Variants in KCNQ1 observed in about 807,000 individuals in gnomAD.
KCNQ1 encodes the protein potassium voltage-gated channel subfamily KQT member 1.
Under a neutral mutation model 72.4 loss-of-function variants are expected in KCNQ1, and 49 were observed. That is an observed-to-expected ratio of 0.68 (90% CI 0.54 to 0.86). The LOEUF is 0.86. Ranked by LOEUF, KCNQ1 falls within the 40% of genes least tolerant of loss-of-function variation. The probability of loss-of-function intolerance (pLI) is 0.00; values close to 1 mark genes in which losing one functional copy is unlikely to be tolerated. For missense variants in KCNQ1, 790 were observed against 945.1 expected (o/e 0.84, Z 2.15); for synonymous variants, 450 against 412.6 (o/e 1.09, Z -1.10).
intron 10 of KCNQ1, chr11:2,609,186 G>A (rs1189054293): frequency 4.5e-5 from 18 of 398,064 alleles, no homozygotes; most frequent in South Asian, 1.3e-4. Context: ...TCTTTACACT[G>A]CTTTAAATGT....
At chr11:2,580,199 A>G (rs1848478524) in intron 6 of KCNQ1, among the ~76,000 whole-genome samples, 1 of 151,296 alleles carries the variant, frequency 6.6e-6, no homozygotes, top group Non-Finnish European at 1.5e-5. Context: ...CTTGCCGCCC[A>G]GCCCCCCTCA....
intron 11 of KCNQ1, among the ~76,000 whole-genome samples, chr11:2,756,969 A>C (rs1236036510): frequency 1.4e-5 from 2 of 148,004 alleles, no homozygotes; most frequent in East Asian, 1.9e-4. Flanking sequence ...AAAAAAAAAA[A>C]AAAAAAAAAA....
In KCNQ1 at chr11:2,458,683, G is replaced by GGATC. The variant is rs1359088057; in HGVS notation, c.386+13208_386+13211dup. On this transcript the variant is annotated intron_variant, in intron 1 of 15. Transcript: ENST00000155840. The surrounding 1 kb of genome is among the most constrained non-coding windows in gnomAD (Gnocchi z 4.6). The stretch of plus-strand genomic sequence containing the variant: ...TGGATGGATGGATGGATGGATGGAT[G>GGATC]GATCGATCGATCTCACCAAGCCTCG... Among the ~76,000 whole-genome samples, 1,298 of 127,264 alleles carry GGATC rather than the reference G, an allele frequency of 0.01. 11 individuals carry two copies. Among genetic ancestry groups the GGATC allele is most frequent in the African/African-American group, 0.033 (1,020 of 31,152 alleles). 83.5% of individuals were successfully genotyped at this position (127,264 alleles called of 152,430 possible). A position where few individuals can be genotyped will look rare whatever the true frequency, so the allele number is the denominator to read the frequency against.
At chr11:2,699,736 G>A (rs1443284847) in intron 11 of KCNQ1, 4 of 392,468 alleles carry the variant, frequency 1.0e-5, no homozygotes, top group East Asian at 3.6e-5. Context: ...GGAGAACTGC[G>A]CCGAGGAGCC....
intron 11 of KCNQ1, among the ~76,000 whole-genome samples, chr11:2,709,346 C>T (rs1850966505): frequency 6.6e-6 from 1 of 150,666 alleles, no homozygotes; most frequent in African/African-American, 2.4e-5. Context: ...GGCTCAGACG[C>T]CAGGACCTGC....
chr11:2,618,123 C>T (rs1031595402), intron 10 of KCNQ1: 7 of 398,192 alleles, frequency 1.8e-5, no homozygotes, highest in Non-Finnish European at 2.7e-5. Context: ...CGAGCTTTTC[C>T]CCTATGTTTT....
chr11:2,734,641 CA>C lies in KCNQ1; in HGVS notation c.1515-34202del, dbSNP rs1389895297. ...GCCCTGAAGGACTGGAGAGTAGGAG[CA>C]GGTCTCGGGGGTAGCTTCCTGAAGA... On this transcript the variant is annotated intron_variant, in intron 11 of 15. Transcript: ENST00000155840. The surrounding 1 kb of genome is among the most constrained non-coding windows in gnomAD (Gnocchi z 7.0). Among the ~76,000 whole-genome samples the C allele has an allele frequency of 6.6e-6, 1 of 151,676 alleles. No homozygotes were observed. Among genetic ancestry groups the C allele is most frequent in the Non-Finnish European group, 1.5e-5 (1 of 67,936 alleles).
rs1850330784 is a variant in KCNQ1, at chr11:2,678,439, C to G, written c.1514+16358C>G. ...TATTTATTTGAGTACATCATCATCTCTCTACTAATTTCAACTGCTACCTTT... is the reference window on the plus strand; with the variant it reads ...TATTTATTTGAGTACATCATCATCTGTCTACTAATTTCAACTGCTACCTTT... On this transcript the variant is annotated intron_variant, in intron 11 of 15. Transcript: ENST00000155840. The surrounding 1 kb of genome is among the most constrained non-coding windows in gnomAD (Gnocchi z 4.9). The G allele has an allele frequency of 2.5e-6, 1 of 398,596 alleles. No homozygotes were observed. Among genetic ancestry groups the G allele is most frequent in the Non-Finnish European group, 4.4e-6 (1 of 226,062 alleles). 24.7% of individuals were successfully genotyped at this position (398,596 alleles called of 1,614,324 possible).
intron 1 of KCNQ1, among the ~76,000 whole-genome samples, chr11:2,527,021 G>A (rs550135698): frequency 2.0e-5 from 3 of 152,274 alleles, no homozygotes; most frequent in African/African-American, 7.2e-5. Flanking sequence ...CCCTAGAGGC[G>A]GGAGGAAGGC....
intron 1 of KCNQ1, among the ~76,000 whole-genome samples, chr11:2,448,679 A>G (rs1260634969): frequency 6.6e-6 from 1 of 152,162 alleles, no homozygotes; most frequent in African/African-American, 2.4e-5. Flanking sequence ...CATCTTCTTT[A>G]AGATCTGTCC....
chr11:2,829,324 A>AG lies in KCNQ1; in HGVS notation c.1795-18443_1795-18442insG, dbSNP rs199908729. On this transcript the variant is annotated intron_variant, in intron 15 of 15. Coordinates refer to ENST00000155840, the MANE Select transcript of KCNQ1 (RefSeq NM_000218.3). ...GAAGAAATCCCAGAAGAAAAAAAAA[A>AG]TGAAGGTGATAGACTGCCAGTATTC... Among the ~76,000 whole-genome samples the AG allele has an allele frequency of 5.3e-5, 8 of 152,194 alleles. No individual in the cohort carries two copies. In the East Asian group the frequency reaches 1.3e-3, roughly 26 times the overall value.
intron 1 of KCNQ1, among the ~76,000 whole-genome samples, chr11:2,522,365 C>T (rs959845361): frequency 3.3e-5 from 5 of 152,186 alleles, no homozygotes; most frequent in African/African-American, 1.2e-4. Flanking sequence ...CGTCCTCTCC[C>T]AGGGCCTTAG....
intron 15 of KCNQ1, chr11:2,840,014 G>A (rs1848170170): frequency 6.6e-6 from 1 of 152,130 alleles, no homozygotes. Context: ...AACAATGCAG[G>A]GTTGGGGCAC....
In KCNQ1 at chr11:2,723,112, G is replaced by A. The variant is rs1267283053; in HGVS notation, c.1515-45732G>A. On this transcript the variant is annotated intron_variant, in intron 11 of 15. Transcript: ENST00000155840. The surrounding 1 kb of genome is among the most constrained non-coding windows in gnomAD (Gnocchi z 4.2). ...GGATCCCAGACGGATCCTGAAAACA[G>A]GCTCCGCCTTCCTCTGTGGCTCTGC... is the stretch of plus-strand genomic sequence containing the variant. Among the ~76,000 whole-genome samples the A allele has an allele frequency of 1.3e-5, 2 of 152,228 alleles. No individual in the cohort carries two copies. Among genetic ancestry groups the A allele is most frequent in the Non-Finnish European group, 2.9e-5 (2 of 68,040 alleles).
intron 6 of KCNQ1, among the ~76,000 whole-genome samples, chr11:2,574,816 G>A (rs535428112): frequency 3.3e-5 from 5 of 152,220 alleles, no homozygotes; most frequent in African/African-American, 9.6e-5. Context: ...CTCCTGGGTT[G>A]GGGCAGGCCC....
At chr11:2,747,991 C>T (rs750366776) in intron 11 of KCNQ1, among the ~76,000 whole-genome samples, 6 of 152,158 alleles carry the variant, frequency 3.9e-5, no homozygotes, top group Non-Finnish European at 5.9e-5. Context: ...GCTTCCACCA[C>T]CAGCAGAATA....
chr11:2,616,966 T>G (rs902145565), intron 10 of KCNQ1: 36 of 365,572 alleles, frequency 9.8e-5, no homozygotes, highest in South Asian at 4.0e-4. Flanking sequence ...TTGTTGTGTT[T>G]TTTTTTTTTA....
chr11:2,729,272 C>A (rs1845812530), intron 11 of KCNQ1, among the ~76,000 whole-genome samples: 1 of 152,272 alleles, frequency 6.6e-6, no homozygotes, highest in African/African-American at 2.4e-5. Flanking sequence ...AGTGACTGCC[C>A]TGGACGTGAC....
At position 2,509,095 on chromosome 11, in the gene KCNQ1, A is replaced by G. The variant is rs1293521623; in HGVS notation, c.387-18833A>G. 1.2e-4 allele frequency among the ~76,000 whole-genome samples: 18 copies of G among 152,228 alleles called. No homozygotes were observed. Among genetic ancestry groups the G allele is most frequent in the Non-Finnish European group, 2.4e-4 (16 of 68,044 alleles). ...ATAGAGGTCTTGAAATTAGTACAAC[A>G]CATGCCCCATACTGGGGAATTTGGG... On this transcript the variant is annotated intron_variant, in intron 1 of 15. Transcript: ENST00000155840. The surrounding 1 kb of genome is among the most constrained non-coding windows in gnomAD (Gnocchi z 6.3).
Sources: allele counts gnomAD v4.1 joint callset (sites outside exome capture counted in the v4.1 genomes callset), GRCh38; gene constraint gnomAD v4.1.1; non-coding constraint Gnocchi (gnomAD v3.1); transcripts MANE v1.5; gene names NCBI Gene and HGNC (gene_info 2026-07-23, HGNC 2026-07-21).